The following FMN1 variants were observed in gnomAD, a reference collection of about 807,000 sequenced individuals.
FMN1 encodes the protein formin-1.
A neutral mutation model predicts 132.4 loss-of-function variants in FMN1; 110 were observed. The ratio of observed to expected loss-of-function variants is 0.83; its 90% CI spans 0.71 to 0.97. The LOEUF (loss-of-function observed/expected upper bound fraction) is 0.97. Among genes scored for constraint, FMN1 ranks in the 50% least tolerant of loss-of-function variants. The pLI is 0.00. For synonymous variants in FMN1, 722 were observed against 651.7 expected (o/e 1.11, Z -1.64); for missense variants, 1,792 against 1,705.3 (o/e 1.05, Z -0.90).
chr15:32,851,554 G>C (rs1193447137), intron 17 of FMN1, among the ~76,000 whole-genome samples: 2 of 152,178 alleles, frequency 1.3e-5, no homozygotes, highest in Admixed American at 1.3e-4. Context: ...CAAGAGCCTA[G>C]TGTGGAAAAG....
At chr15:33,128,693 T>C (rs1461338560) in intron 4 of FMN1, among the ~76,000 whole-genome samples, 1 of 152,202 alleles carries the variant, frequency 6.6e-6, no homozygotes, top group South Asian at 2.1e-4. Context: ...ACTTCACGAA[T>C]AAACCCGCGG....
In FMN1 at chr15:32,908,698, A is replaced by G. The variant is rs528910491; in HGVS notation, c.3289-120T>C. On this transcript the variant is annotated intron_variant, in intron 11 of 20. Coordinates refer to ENST00000616417, the MANE Select transcript of FMN1 (RefSeq NM_001277313.2). ...GGTTCCTAGACTAGCAGCATCAACAACATCACCTGTCACTTGTCAGAAATG... is the reference window on the plus strand; with the variant it reads ...GGTTCCTAGACTAGCAGCATCAACAGCATCACCTGTCACTTGTCAGAAATG... The G allele has an allele frequency of 1.4e-5, 9 of 627,080 alleles. No homozygotes were observed. In the East Asian group the frequency reaches 2.0e-4, roughly 14 times the overall value. 38.8% of individuals were successfully genotyped at this position (627,080 alleles called of 1,614,324 possible). A position where few individuals can be genotyped will look rare whatever the true frequency, so the allele number is the denominator to read the frequency against.
chr15:33,071,551 G>A (rs1595405164), intron 5 of FMN1, among the ~76,000 whole-genome samples: 3 of 152,184 alleles, frequency 2.0e-5, no homozygotes, highest in Admixed American at 6.5e-5. Flanking sequence ...TTAGAAAGAG[G>A]AGACTCTTGT....
At chr15:33,193,731 G>A (rs574373435) in intron 2 of FMN1, among the ~76,000 whole-genome samples, 178 bp downstream of exon 2, 1 of 152,164 alleles carries the variant, frequency 6.6e-6, no homozygotes, top group East Asian at 1.9e-4. Context: ...TAAAATAAAG[G>A]GTTTTCTTTG....
At chr15:33,116,793 G>A (rs1254913022) in intron 4 of FMN1, among the ~76,000 whole-genome samples, 4 of 151,916 alleles carry the variant, frequency 2.6e-5, no homozygotes, top group African/African-American at 7.3e-5. Context: ...CAAAGTATAG[G>A]CCTTGAATTC....
In FMN1 at chr15:32,938,331, C is replaced by T. The variant is rs1473181566; in HGVS notation, c.3139-12070G>A. ...ATCACTTGAGGCCAGGAGTTCGGGA[C>T]CAGCCTGGTCAACATGATGAAACCC... On this transcript the variant is annotated intron_variant, in intron 9 of 20. Transcript: ENST00000616417. 2.0e-5 allele frequency among the ~76,000 whole-genome samples: 3 copies of T among 152,068 alleles called. No individual in the cohort carries two copies. The East Asian group carries it at 5.8e-4, about 29-fold the overall frequency.
chr15:33,110,427 C>T (rs2039656946), intron 4 of FMN1, among the ~76,000 whole-genome samples: 1 of 151,950 alleles, frequency 6.6e-6, no homozygotes, highest in African/African-American at 2.4e-5. Flanking sequence ...TAAATTTTAG[C>T]AGTAATTTTT....
chr15:32,916,593 G>C (rs964075181), intron 10 of FMN1, among the ~76,000 whole-genome samples: 1 of 152,162 alleles, frequency 6.6e-6, no homozygotes, highest in Non-Finnish European at 1.5e-5. Flanking sequence ...GCTGACGGTG[G>C]TTTTGAGAAT....
At chr15:32,777,510 C>CACATTTATATATTACATATA (rs1567149277) in intron 19 of FMN1, among the ~76,000 whole-genome samples, 2 of 90,572 alleles carry the variant, frequency 2.2e-5, no homozygotes, top group Non-Finnish European at 2.7e-5. Context: ...TAACATATAA[C>CACATTTATATATTACATATA]ACATTTATAT....
intron 6 of FMN1, among the ~76,000 whole-genome samples, chr15:33,060,180 T>C (rs2037420560): frequency 6.6e-6 from 1 of 151,896 alleles, no homozygotes; most frequent in African/African-American, 2.4e-5. Flanking sequence ...GATAGTACAA[T>C]GCACAAACCC....
intron 9 of FMN1, among the ~76,000 whole-genome samples, chr15:32,940,142 C>T (rs545589158): frequency 3.3e-5 from 5 of 152,212 alleles, no homozygotes; most frequent in Non-Finnish European, 7.4e-5. Context: ...CTACAACAGT[C>T]CTTCCCTCTA....
chr15:32,784,463 G>GA (rs2056783274), intron 19 of FMN1, among the ~76,000 whole-genome samples: 1 of 151,374 alleles, frequency 6.6e-6, no homozygotes, highest in Admixed American at 6.6e-5. Flanking sequence ...CTCTTCAGGA[G>GA]AAAGACAACA....
At chr15:33,151,239 C>A (rs1418487787) in intron 4 of FMN1, 2 of 1,535,534 alleles carry the variant, frequency 1.3e-6, no homozygotes, top group African/African-American at 2.7e-5. Context: ...AGAGAAGTTA[C>A]CCATATCAAA....
chr15:32,960,995 C>CAAAAAAAAA (rs539245532), intron 9 of FMN1, among the ~76,000 whole-genome samples: 3 of 59,090 alleles, frequency 5.1e-5, no homozygotes, highest in African/African-American at 2.7e-4. Flanking sequence ...GACTCCGTCT[C>CAAAAAAAAA]AAAAAAAAAA....
chr15:32,908,241 T>C (rs140945791), intron 12 of FMN1: 129 of 388,194 alleles, frequency 3.3e-4, no homozygotes, highest in African/African-American at 2.5e-3. Flanking sequence ...AACAAGTTGC[T>C]AGAAAAAGAA....
intron 9 of FMN1, among the ~76,000 whole-genome samples, chr15:32,957,734 T>C (rs2029977180): frequency 6.6e-6 from 1 of 152,228 alleles, no homozygotes; most frequent in African/African-American, 2.4e-5. Context: ...AACGTACTCT[T>C]ATAATTTCAT....
intron 19 of FMN1, among the ~76,000 whole-genome samples, chr15:32,794,882 T>C (rs1434632818): frequency 6.6e-6 from 1 of 152,126 alleles, no homozygotes; most frequent in Non-Finnish European, 1.5e-5. Context: ...ACATGCTCCA[T>C]AAAAAAACGT....
chr15:32,832,020 G>C (rs1209359550), intron 17 of FMN1, among the ~76,000 whole-genome samples: 1 of 152,054 alleles, frequency 6.6e-6, no homozygotes, highest in Non-Finnish European at 1.5e-5. Context: ...TGTTCTGTAG[G>C]TCAGCACCAG....
chr15:32,942,729 A>G (rs2061426549), intron 9 of FMN1, among the ~76,000 whole-genome samples: 1 of 152,198 alleles, frequency 6.6e-6, no homozygotes, highest in Admixed American at 6.5e-5. Flanking sequence ...AGTTCCAGTC[A>G]CAGGGTTTCC....
Sources: gnomAD v4.1 joint callset for allele counts (sites outside exome capture counted in the v4.1 genomes callset) on GRCh38, gnomAD v4.1.1 for gene constraint, MANE v1.5 for transcripts, NCBI Gene and HGNC (gene_info 2026-07-23, HGNC 2026-07-21) for gene names.